Variants in NCOA6 observed in about 807,000 individuals in gnomAD.
The protein encoded by NCOA6 is NRC RAP250.
A neutral mutation model predicts 171.4 loss-of-function variants in NCOA6; 49 were observed. That is an observed-to-expected ratio of 0.29 (90% CI 0.23 to 0.36). The LOEUF is 0.36. Ranked by LOEUF, NCOA6 falls within the 10% of genes least tolerant of loss-of-function variation. The pLI is 1.00. For missense variants in NCOA6, 2,248 were observed against 2,554.5 expected (o/e 0.88, Z 2.59); for synonymous variants, 910 against 927.5 (o/e 0.98, Z 0.34).
intron 14 of NCOA6, among the ~76,000 whole-genome samples, chr20:34,726,276 A>G (rs992438470): frequency 2.6e-5 from 4 of 152,198 alleles, no homozygotes; most frequent in Non-Finnish European, 5.9e-5. Flanking sequence ...TAGAAAGCAC[A>G]AAGGAGGATA....
chr20:34,797,154 G>C, intron 1 of NCOA6, among the ~76,000 whole-genome samples: 1 of 152,104 alleles, frequency 6.6e-6, no homozygotes, highest in Non-Finnish European at 1.5e-5. Flanking sequence ...CATGGCCAAG[G>C]AGTAATTGTG....
At chr20:34,775,556 A>AT (rs1460224651) in intron 4 of NCOA6, among the ~76,000 whole-genome samples, 1 of 151,410 alleles carries the variant, frequency 6.6e-6, no homozygotes, top group Non-Finnish European at 1.5e-5. Context: ...ATGGTAGTAC[A>AT]TGCCTGTAAT....
chr20:34,792,731 G>A (rs187602090), intron 1 of NCOA6, among the ~76,000 whole-genome samples, 168 bp from the exon 2 acceptor site: 8 of 148,788 alleles, frequency 5.4e-5, no homozygotes, highest in South Asian at 2.2e-4. Flanking sequence ...TTTAGAGAAT[G>A]TTAAAACAGG....
At chr20:34,793,741 A>G (rs1015823741) in intron 1 of NCOA6, among the ~76,000 whole-genome samples, 10 of 152,344 alleles carry the variant, frequency 6.6e-5, no homozygotes, top group African/African-American at 2.2e-4. Flanking sequence ...TAAGAAAAAA[A>G]TACTTGCAAT....
chr20:34,765,953 A>G (rs2076970430), intron 5 of NCOA6, among the ~76,000 whole-genome samples: 1 of 152,248 alleles, frequency 6.6e-6, no homozygotes, highest in African/African-American at 2.4e-5. Context: ...AGCAGTACTA[A>G]GAATAATTGA....
chr20:34,736,034 G>A (rs1340545675), intron 12 of NCOA6, among the ~76,000 whole-genome samples: 1 of 151,922 alleles, frequency 6.6e-6, no homozygotes, highest in East Asian at 1.9e-4. Context: ...TGCCTCCATA[G>A]TCTATAAAGG....
At chr20:34,724,172 C>T (rs1329103182) in intron 14 of NCOA6, among the ~76,000 whole-genome samples, 1 of 152,126 alleles carries the variant, frequency 6.6e-6, no homozygotes, top group Non-Finnish European at 1.5e-5. Context: ...TTCATATCTC[C>T]ACCTAAAATG....
chr20:34,784,795 A>G lies in NCOA6; in HGVS notation c.-49-2391T>C, dbSNP rs566417301. On this transcript the variant is annotated intron_variant, in intron 2 of 14. Coordinates refer to ENST00000359003, the MANE Select transcript of NCOA6 (RefSeq NM_014071.5). ...TTTTTGTCTCTAAAAATAAAAATAAAATAGGCTGGGCGCGGTGGCTCATGT... is the reference window on the plus strand; with the variant it reads ...TTTTTGTCTCTAAAAATAAAAATAAGATAGGCTGGGCGCGGTGGCTCATGT... Among the ~76,000 whole-genome samples, 3 of 152,082 alleles carry G rather than the reference A, an allele frequency of 2.0e-5. No homozygotes were observed. The South Asian group carries it at 6.2e-4, about 32-fold the overall frequency.
chr20:34,778,904 A>C (rs1213101992), intron 3 of NCOA6, among the ~76,000 whole-genome samples: 1 of 147,976 alleles, frequency 6.8e-6, no homozygotes, highest in African/African-American at 2.5e-5. Context: ...GCTTGCAGAG[A>C]GCCGAGATCG....
chr20:34,761,220 C>T (rs540097643), intron 5 of NCOA6, among the ~76,000 whole-genome samples: 1 of 152,208 alleles, frequency 6.6e-6, no homozygotes, highest in Non-Finnish European at 1.5e-5. Context: ...TCATAACTTA[C>T]AGCTCTGCTC....
At chr20:34,776,200 G>T in intron 4 of NCOA6, 93 bp downstream of exon 4, 1 of 1,462,374 alleles carries the variant, frequency 6.8e-7, no homozygotes, top group Non-Finnish European at 9.3e-7. Flanking sequence ...AAACACAAGA[G>T]CAGAGGAACA....
intron 1 of NCOA6, among the ~76,000 whole-genome samples, chr20:34,823,713 C>A (rs199690213): frequency 7.7e-6 from 1 of 130,488 alleles, no homozygotes; most frequent in Non-Finnish European, 1.7e-5. Flanking sequence ...TTTTTTTTTT[C>A]TTTAGACAGT....
chr20:34,718,117 C>T lies in NCOA6; in HGVS notation c.6149-2752G>A, dbSNP rs56144142. On this transcript the variant is annotated intron_variant, in intron 14 of 14. Coordinates refer to ENST00000359003, the MANE Select transcript of NCOA6 (RefSeq NM_014071.5). ...GTGCTAGAAACTGCAAAAAAACCCA[C>T]AAACACACCATTAAAAACCCTCATC... Among the ~76,000 whole-genome samples the T allele has an allele frequency of 2.0e-3, 311 of 152,290 alleles. 3 individuals are homozygous for T. The highest frequency in any genetic ancestry group is 7.3e-3 in the African/African-American group (303 of 41,556).
intron 4 of NCOA6, among the ~76,000 whole-genome samples, chr20:34,770,044 C>CT (rs542167234): frequency 0.038 from 5,413 of 142,700 alleles, 117 homozygotes; most frequent in Non-Finnish European, 0.042. Flanking sequence ...GTCAGCCTTC[C>CT]TTTTTTTTTT....
At chr20:34,752,275 T>C (rs2076512065) in intron 8 of NCOA6, among the ~76,000 whole-genome samples, 2 of 152,230 alleles carry the variant, frequency 1.3e-5, no homozygotes, top group East Asian at 3.8e-4. Context: ...TCCAGACTTC[T>C]CCTGAACTCT....
intron 13 of NCOA6, among the ~76,000 whole-genome samples, chr20:34,731,719 C>T (rs1484260223): frequency 6.6e-6 from 1 of 152,178 alleles, no homozygotes; most frequent in African/African-American, 2.4e-5. Flanking sequence ...AAAATATTAT[C>T]CAGTGCATTC....
At position 34,754,770 on chromosome 20, in the gene NCOA6, T is replaced by C. The variant is rs768155588; in HGVS notation, c.1627A>G (p.Asn543Asp). The change falls in exon 8 of 15, where the codon AAT becomes GAT. Residue 543 changes from asparagine (N) to aspartate (D), a missense_variant. Transcript: ENST00000359003. ...GCTTGCAGCTGAGGGGCTCCTGAAT[T>C]CCCAGGGGTGGTTGCTGTGGTCGAA... ...VPSTTATTPG[N>D]SGAPQLQANQ... is the part of the protein sequence containing the mutation. 4.3e-6 allele frequency: 7 copies of C among 1,614,206 alleles called. No individual in the cohort carries two copies. Among genetic ancestry groups the C allele is most frequent in the South Asian group, 2.2e-5 (2 of 91,086 alleles).
chr20:34,740,273 C>G, intron 11 of NCOA6, 90 bp downstream of exon 11: 1 of 1,479,260 alleles, frequency 6.8e-7, no homozygotes, highest in Non-Finnish European at 9.1e-7. Flanking sequence ...ATTCTCTTTC[C>G]TCCAAGTAAA....
In NCOA6 at chr20:34,741,000, T is replaced by C. The variant is rs779855865; in HGVS notation, c.5256A>G (p.Pro1752=). The C allele has an allele frequency of 4.3e-6, 7 of 1,614,106 alleles. No homozygotes were observed. Among genetic ancestry groups the C allele is most frequent in the African/African-American group, 1.3e-5 (1 of 75,024 alleles). The change falls in exon 11 of 15, where the codon CCA becomes CCG. Residue 1752 remains proline (P), a synonymous_variant. Coordinates refer to ENST00000359003, the MANE Select transcript of NCOA6 (RefSeq NM_014071.5). ...QLPSPPCTSS[P]VVPSHPPVQQ... ...GCACAGGGGGATGAGAAGGGACAAC[T>C]GGAGAAGACGTACAAGGAGGGGAAG...
Sources: gnomAD v4.1 joint callset for allele counts (sites outside exome capture counted in the v4.1 genomes callset) on GRCh38, gnomAD v4.1.1 for gene constraint, MANE v1.5 for transcripts, NCBI Gene and HGNC (gene_info 2026-07-23, HGNC 2026-07-21) for gene names.